The following HEATR4 variants were observed in gnomAD, a reference collection of about 807,000 sequenced individuals.
The protein encoded by HEATR4 is HEAT repeat containing 4.
A neutral mutation model predicts 108.8 loss-of-function variants in HEATR4; 95 were observed. The ratio of observed to expected loss-of-function variants is 0.87; its 90% CI spans 0.74 to 1.04. The LOEUF is 1.04. Ranked by LOEUF, HEATR4 falls within the 50% of genes least tolerant of loss-of-function variation. HEATR4 has a pLI of 0.00. For missense variants in HEATR4, 1,152 were observed against 1,253.8 expected (o/e 0.92, Z 1.23); for synonymous variants, 443 against 459.4 (o/e 0.96, Z 0.46).
At chr14:73,572,379 CCA>C in the HEATR4 span, among the ~76,000 whole-genome samples, 1 of 151,366 alleles carries the variant, frequency 6.6e-6, no homozygotes, top group Non-Finnish European at 1.5e-5. Flanking sequence ...AATCTCCAAA[CCA>C]CTGTTGAGTG....
At chr14:73,497,972 T>G (rs1354880534) in intron 14 of HEATR4, among the ~76,000 whole-genome samples, 183 bp downstream of exon 14, 1 of 152,194 alleles carries the variant, frequency 6.6e-6, no homozygotes, top group Non-Finnish European at 1.5e-5. Flanking sequence ...TACATAAGCT[T>G]GACTTTCAAT....
At chr14:73,585,056 G>C in the HEATR4 span, among the ~76,000 whole-genome samples, 1 of 149,904 alleles carries the variant, frequency 6.7e-6, no homozygotes, top group East Asian at 2.0e-4. Flanking sequence ...CCCCTGACCT[G>C]GGTGCCACCC....
chr14:73,623,383 A>G, the HEATR4 span, among the ~76,000 whole-genome samples: 45 of 151,714 alleles, frequency 3.0e-4, 1 homozygote, highest in Admixed American at 3.0e-3. Context: ...TCCAAATCCC[A>G]TGTTGAAACT....
rs775591462 is a variant in HEATR4, at chr14:73,500,753, C to T, written c.2106-23G>A. The T allele has an allele frequency of 3.3e-5, 53 of 1,605,278 alleles. 1 individual carries two copies. The South Asian group carries it at 5.4e-4, about 16-fold the overall frequency. On this transcript the variant is annotated intron_variant, in intron 11 of 17. Coordinates refer to ENST00000553558, the MANE Select transcript of HEATR4 (RefSeq NM_001220484.1). ...ACCCTGTAAGGCACAAGTTGCTTTC[C>T]TTTCACCTCCTTAAACTTTCAGTAC...
intron 11 of HEATR4, among the ~76,000 whole-genome samples, chr14:73,501,718 G>A (rs929268100): frequency 2.6e-4 from 39 of 151,534 alleles, no homozygotes; most frequent in African/African-American, 9.0e-4. Context: ...GGGACTACAG[G>A]CATACACCAC....
chr14:73,598,722 G>T, the HEATR4 span, among the ~76,000 whole-genome samples: 51 of 152,162 alleles, frequency 3.4e-4, no homozygotes, highest in Non-Finnish European at 5.9e-4. Context: ...CAAAAATTAG[G>T]CCAGGCATTG....
chr14:73,597,882 G>T, the HEATR4 span, among the ~76,000 whole-genome samples: 5 of 151,384 alleles, frequency 3.3e-5, no homozygotes, highest in Non-Finnish European at 5.9e-5. Flanking sequence ...ATTAGCCACC[G>T]CGCCTGGCCT....
At chr14:73,569,506 C>G in the HEATR4 span, 1 of 1,610,100 alleles carries the variant, frequency 6.2e-7, no homozygotes, top group Non-Finnish European at 8.5e-7. Context: ...CGCGGCCTAG[C>G]CCCGGAGCAG....
In HEATR4 at chr14:73,546,200, C is replaced by T. The variant is rs1325589398; in HGVS notation, c.-152+12551G>A. Among the ~76,000 whole-genome samples the T allele has an allele frequency of 1.8e-4, 20 of 112,654 alleles. 5 individuals carry two copies. Among genetic ancestry groups the T allele is most frequent in the Non-Finnish European group, 3.5e-4 (18 of 52,058 alleles). The allele number at this position is 112,654 out of a possible 152,430, so 73.9% of individuals were successfully genotyped here. On this transcript the variant is annotated intron_variant, in intron 1 of 17. Transcript: ENST00000553558. ...TTTTGCCATGTTGGTCAGCTGGTCT[C>T]GAACTCCTGACCTCAGGTGATACAC...
upstream of HEATR4, among the ~76,000 whole-genome samples, chr14:73,559,434 TGAAAAATAAACCTCAGCCAGGC>T (rs1341421730): frequency 1.3e-5 from 2 of 151,828 alleles, no homozygotes; most frequent in African/African-American, 4.8e-5. Flanking sequence ...GGTCATTCTT[TGAAAAATAAACCTCAGCCAGGC>T]GCGATGGCTC....
chr14:73,577,936 C>T, the HEATR4 span, among the ~76,000 whole-genome samples: 17 of 151,740 alleles, frequency 1.1e-4, no homozygotes, highest in African/African-American at 2.2e-4. Context: ...CTGCAACCTC[C>T]GCCTCCTGGG....
At chr14:73,610,436 G>T in the HEATR4 span, among the ~76,000 whole-genome samples, 1 of 151,864 alleles carries the variant, frequency 6.6e-6, no homozygotes, top group South Asian at 2.1e-4. Context: ...GATTACAGGC[G>T]CGTGCTGCCA....
chr14:73,615,817 C>T, the HEATR4 span, among the ~76,000 whole-genome samples: 2 of 151,918 alleles, frequency 1.3e-5, no homozygotes, highest in East Asian at 1.9e-4. Flanking sequence ...TTGAAGAGGC[C>T]GAGGTGGGAG....
intron 10 of HEATR4, among the ~76,000 whole-genome samples, chr14:73,503,758 A>G (rs1016943627): frequency 6.6e-6 from 1 of 152,228 alleles, no homozygotes; most frequent in African/African-American, 2.4e-5. Context: ...AACATTTACT[A>G]ACGGAAGACT....
Position 73,500,658 on chromosome 14 carries a change from C to A in HEATR4, c.2178G>T (p.Met726Ile). The change falls in exon 12 of 18, where the codon ATG (methionine) becomes ATT (isoleucine). Residue 726 changes from methionine to isoleucine, a missense_variant. By Grantham distance (10) the Met-to-Ile change is conservative. Transcript: ENST00000553558. ...ALYLIGELKL[M>I]TAKLLPSFLH... ...GGAAGCTTGGGAGAAGCTTGGCGGTCATAAGCTTGAGCTCACCTATCAGGT... is the reference window on the plus strand; with the variant it reads ...GGAAGCTTGGGAGAAGCTTGGCGGTAATAAGCTTGAGCTCACCTATCAGGT... 1.2e-6 allele frequency: 2 copies of A among 1,614,194 alleles called. No homozygotes were observed. Among genetic ancestry groups the A allele is most frequent in the South Asian group, 2.2e-5 (2 of 91,064 alleles).
At chr14:73,632,186 G>A in the HEATR4 span, among the ~76,000 whole-genome samples, 1 of 151,860 alleles carries the variant, frequency 6.6e-6, no homozygotes, top group African/African-American at 2.4e-5. Context: ...TGTTGCCCAG[G>A]GTGGTCTTGA....
chr14:73,572,075 A>G, the HEATR4 span, among the ~76,000 whole-genome samples: 1 of 149,678 alleles, frequency 6.7e-6, no homozygotes, highest in South Asian at 2.2e-4. Context: ...AAGGAGCAAC[A>G]TATTCATCTG....
the HEATR4 span, among the ~76,000 whole-genome samples, chr14:73,566,590 C>T: frequency 6.6e-6 from 1 of 152,200 alleles, no homozygotes; most frequent in Non-Finnish European, 1.5e-5. Context: ...CTAAGCCCCT[C>T]ATTGCCCGGG....
At chr14:73,573,893 A>G in the HEATR4 span, among the ~76,000 whole-genome samples, 3 of 152,006 alleles carry the variant, frequency 2.0e-5, no homozygotes, top group African/African-American at 7.2e-5. Context: ...TGCTTGGCTA[A>G]TTTTTGTATT....
Sources: gnomAD v4.1 joint callset for allele counts (sites outside exome capture counted in the v4.1 genomes callset) on GRCh38, gnomAD v4.1.1 for gene constraint, MANE v1.5 for transcripts, NCBI Gene and HGNC (gene_info 2026-07-23, HGNC 2026-07-21) for gene names.